VPS13A: variants seen among roughly 807,000 people sequenced by gnomAD.
VPS13A encodes vacuolar protein sorting 13 homolog A.
Under a neutral mutation model 390.9 loss-of-function variants are expected in VPS13A, and 264 were observed. The observed-to-expected ratio is 0.68, with a 90% CI of 0.61 to 0.75. The LOEUF is 0.75. Among genes scored for constraint, VPS13A ranks in the 30% least tolerant of loss-of-function variants. The pLI, the probability that VPS13A is intolerant of heterozygous loss-of-function variation, is 0.00. For missense variants in VPS13A, 3,409 were observed against 3,733.9 expected, an observed-to-expected ratio of 0.91 and a Z score of 2.27; for synonymous variants, 1,231 against 1,227.1, an observed-to-expected ratio of 1.00 and a Z score of -0.07.
rs535222303 is a variant in VPS13A, at chr9:77,226,309, G to A, written c.1225-157G>A. Reference sequence around the variant, plus strand: ...GTGGTACTCCTAAATTCTTATGTTCGACTAATGTTGCAGTTTCTGTGTTCT... The same window carrying A: ...GTGGTACTCCTAAATTCTTATGTTCAACTAATGTTGCAGTTTCTGTGTTCT... On this transcript the variant is annotated intron_variant, in intron 14 of 71. Coordinates refer to ENST00000360280, the MANE Select transcript of VPS13A (RefSeq NM_033305.3). Among the ~76,000 whole-genome samples the A allele has an allele frequency of 9.9e-5, 15 of 152,056 alleles. 1 individual carries two copies. Among genetic ancestry groups the A allele is most frequent in the African/African-American group, 3.4e-4 (14 of 41,502 alleles).
At chr9:77,189,018 T>C (rs908883611) in intron 1 of VPS13A, among the ~76,000 whole-genome samples, 6 of 152,102 alleles carry the variant, frequency 3.9e-5, no homozygotes, top group African/African-American at 1.2e-4. Context: ...ATTAGATCTT[T>C]GTTGGATGTA....
At chr9:77,193,618 G>A (rs1435234461) in intron 1 of VPS13A, among the ~76,000 whole-genome samples, 2 of 152,034 alleles carry the variant, frequency 1.3e-5, no homozygotes, top group Non-Finnish European at 2.9e-5. Flanking sequence ...TGGGCGACAG[G>A]GCAAAACTCT....
At chr9:77,333,575 C>G (rs1316934029) in intron 46 of VPS13A, among the ~76,000 whole-genome samples, 1 of 151,814 alleles carries the variant, frequency 6.6e-6, no homozygotes, top group Non-Finnish European at 1.5e-5. Flanking sequence ...CCACCATGCG[C>G]AGCTAATTTT....
chr9:77,228,185 C>A lies in VPS13A; in HGVS notation c.1516C>A (p.Gln506Lys), dbSNP rs773262405. The A allele has an allele frequency of 1.9e-6, 3 of 1,603,026 alleles. No individual in the cohort carries two copies. The Admixed American group carries it at 5.0e-5, about 27-fold the overall frequency. Residue 506 changes from glutamine (Q) to lysine (K), a missense_variant, in exon 17 of 72, where the codon CAA becomes AAA. Coordinates refer to ENST00000360280, the MANE Select transcript of VPS13A (RefSeq NM_033305.3). ...SMSIVLRENHQKPELVDIVIE... is the reference protein window; with the variant it reads ...SMSIVLRENHKKPELVDIVIE... ...GTCTATTGTTCTAAGAGAAAATCAT[C>A]AAAAACCTGAGCTGGTAGATATTGT...
rs1590003748 is a variant in VPS13A at position 77,210,733 on chromosome 9, C to G, written c.555+58C>G. On this transcript the variant is annotated intron_variant, in intron 7 of 71. Coordinates refer to ENST00000360280, the MANE Select transcript of VPS13A (RefSeq NM_033305.3). ...TTAATGTGCAATATAGTCTATTAAA[C>G]TGCTACTATTTGTATATGCCAGCAT... The G allele has an allele frequency of 1.8e-5, 28 of 1,531,806 alleles. No individual in the cohort carries two copies. The East Asian group carries it at 6.1e-4, about 33-fold the overall frequency. The allele number at this position is 1,531,806 out of a possible 1,614,324, so 94.9% of individuals were successfully genotyped here.
intron 54 of VPS13A, among the ~76,000 whole-genome samples, chr9:77,354,757 GA>G (rs773895315): frequency 2.0e-5 from 3 of 151,920 alleles, no homozygotes; most frequent in Non-Finnish European, 4.4e-5. Context: ...CCACTTCACT[GA>G]AAAAATTGAA....
At chr9:77,358,319 T>G in intron 56 of VPS13A, 38 bp from the exon 57 acceptor site, 2 of 1,490,828 alleles carry the variant, frequency 1.3e-6, no homozygotes, top group Non-Finnish European at 1.9e-6. Context: ...GTTGTATAAT[T>G]GACATATTAA....
chr9:77,250,060 A>G (rs373900490), intron 20 of VPS13A, 37 bp from the exon 21 acceptor site: 85 of 1,609,698 alleles, frequency 5.3e-5, no homozygotes, highest in Non-Finnish European at 7.0e-5. Flanking sequence ...ATTTTGAAGT[A>G]TTTTGCATAG....
At chr9:77,321,851 T>C in intron 44 of VPS13A, 105 bp downstream of exon 44, 4 of 1,405,988 alleles carry the variant, frequency 2.8e-6, no homozygotes, top group Non-Finnish European at 3.9e-6. Flanking sequence ...TTTTTGTTTT[T>C]GTTTTTGTTT....
At chr9:77,230,609 C>T (rs1351970176) in intron 17 of VPS13A, among the ~76,000 whole-genome samples, 1 of 152,006 alleles carries the variant, frequency 6.6e-6, no homozygotes, top group Non-Finnish European at 1.5e-5. Flanking sequence ...ATGCCAGTAC[C>T]CTACTGTCTT....
At chr9:77,372,126 C>T (rs890080022) in intron 67 of VPS13A, among the ~76,000 whole-genome samples, 46 of 151,620 alleles carry the variant, frequency 3.0e-4, no homozygotes, top group African/African-American at 1.0e-3. Context: ...GTGCGTGTGT[C>T]TTTATAGCAG....
intron 3 of VPS13A, 108 bp downstream of exon 3, chr9:77,201,515 A>C (rs921409545): frequency 3.0e-6 from 3 of 1,001,328 alleles, no homozygotes; most frequent in Non-Finnish European, 4.8e-6. Flanking sequence ...AGCATCAATT[A>C]AAAATAATCA....
intron 50 of VPS13A, 110 bp downstream of exon 50, chr9:77,340,660 G>A: frequency 7.2e-7 from 1 of 1,390,852 alleles, no homozygotes; most frequent in Non-Finnish European, 1.0e-6. Flanking sequence ...CTCCAATTTT[G>A]TTTTAGTTTC....
intron 52 of VPS13A, among the ~76,000 whole-genome samples, chr9:77,347,793 A>G (rs1587633115): frequency 6.6e-6 from 1 of 152,102 alleles, no homozygotes; most frequent in East Asian, 1.9e-4. Context: ...TTCTTTAAAA[A>G]TATACTTCTA....
chr9:77,416,900 CCT>C lies in VPS13A; in HGVS notation c.*898_*899del, dbSNP rs1223118010. The C allele has an allele frequency of 6.6e-6, 1 of 152,516 alleles. No individual in the cohort carries two copies. Among genetic ancestry groups the C allele is most frequent in the Non-Finnish European group, 1.5e-5 (1 of 68,018 alleles). The allele number at this position is 152,516 out of a possible 1,614,324, so 9.4% of individuals were successfully genotyped here. A position where few individuals can be genotyped will look rare whatever the true frequency, so the allele number is the denominator to read the frequency against. On this transcript the variant is annotated 3_prime_UTR_variant, in exon 72 of 72. Coordinates refer to ENST00000360280, the MANE Select transcript of VPS13A (RefSeq NM_033305.3). ...TGTATTATGCTTCCAACAGACAGTCCCTCTCATATAAAGTTTATGTACCCTAA... is the reference window on the plus strand; with the variant it reads ...TGTATTATGCTTCCAACAGACAGTCCCTCATATAAAGTTTATGTACCCTAA...
chr9:77,318,650 A>G, intron 41 of VPS13A, 59 bp downstream of exon 41: 1 of 1,306,776 alleles, frequency 7.7e-7, no homozygotes, highest in Non-Finnish European at 1.1e-6. Context: ...ATTATGACAG[A>G]TAATGATACA....
At chr9:77,334,297 C>T (rs1830428506) in intron 46 of VPS13A, among the ~76,000 whole-genome samples, 1 of 152,074 alleles carries the variant, frequency 6.6e-6, no homozygotes, top group Admixed American at 6.5e-5. Context: ...TAAATTTTAT[C>T]TCCATCTATT....
chr9:77,379,899 C>T (rs1304058934), intron 67 of VPS13A, among the ~76,000 whole-genome samples: 1 of 151,982 alleles, frequency 6.6e-6, no homozygotes, highest in African/African-American at 2.4e-5. Flanking sequence ...TCTCTTTTTT[C>T]CTTGCTGATC....
At chr9:77,287,883 A>T (rs1441164702) in intron 31 of VPS13A, among the ~76,000 whole-genome samples, 1 of 152,214 alleles carries the variant, frequency 6.6e-6, no homozygotes, top group Non-Finnish European at 1.5e-5. Flanking sequence ...TTTTAAAGTA[A>T]GATTTATTGA....
Sources: allele counts gnomAD v4.1 joint callset (sites outside exome capture counted in the v4.1 genomes callset), GRCh38; gene constraint gnomAD v4.1.1; transcripts MANE v1.5; gene names NCBI Gene and HGNC (gene_info 2026-07-23, HGNC 2026-07-21).